The following ATAD3A variants were observed in gnomAD, a reference collection of about 807,000 sequenced individuals.
The protein encoded by ATAD3A is ATPase family AAA domain-containing protein 3A.
In ATAD3A, 46 loss-of-function variants were observed where a neutral mutation model predicts 73.8. The ratio of observed to expected loss-of-function variants is 0.62; its 90% CI spans 0.49 to 0.80. ATAD3A has a LOEUF of 0.80. ATAD3A is among the 30% of genes least tolerant of loss of function. ATAD3A has a pLI of 0.00. For synonymous variants in ATAD3A, 319 were observed against 350.0 expected, an observed-to-expected ratio of 0.91 and a Z score of 0.99; for missense variants, 705 against 838.0, an observed-to-expected ratio of 0.84 and a Z score of 1.96.
At position 1,523,799 on chromosome 1, in the gene ATAD3A, G is replaced by A. The variant is rs1641696014; in HGVS notation, c.964-40G>A. On this transcript the variant is annotated intron_variant, in intron 9 of 15. Coordinates refer to ENST00000378756, the MANE Select transcript of ATAD3A (RefSeq NM_001170535.3). This position sits in a 1 kb window ranked among gnomAD's most constrained non-coding sequence, Gnocchi z 5.1. Reference sequence around the variant, plus strand: ...GCCCCTTCCCCTGAGGCTTCCATGGGTGCACAGTGTCTCCTCCAAACCCCC... The same window carrying A: ...GCCCCTTCCCCTGAGGCTTCCATGGATGCACAGTGTCTCCTCCAAACCCCC... 9 of 1,613,358 alleles carry A rather than the reference G, an allele frequency of 5.6e-6. No homozygotes were observed. The South Asian group carries it at 6.6e-5, about 12-fold the overall frequency.
chr1:1,522,635 T>C, intron 7 of ATAD3A, 109 bp from the exon 8 acceptor site: 1 of 1,558,394 alleles, frequency 6.4e-7, no homozygotes, highest in South Asian at 1.2e-5. Flanking sequence ...TGCACGGCCC[T>C]GTGCTTCTCC....
At chr1:1,532,447 C>A (rs1033156611) in intron 15 of ATAD3A, among the ~76,000 whole-genome samples, 1 of 152,142 alleles carries the variant, frequency 6.6e-6, no homozygotes, top group African/African-American at 2.4e-5. Context: ...TTTTAGGTTC[C>A]CAGAAAAGTT....
chr1:1,520,369 C>T lies in ATAD3A; in HGVS notation c.680+63C>T, dbSNP rs575617540. The T allele has an allele frequency of 6.3e-5, 100 of 1,597,746 alleles. No homozygotes were observed. The Admixed American group carries it at 1.7e-3, about 27-fold the overall frequency. ...GCCCCGCAGGTGTGAGTCGCTGGTC[C>T]CAGGGCGCTCTCCAGCTCTTCCAGG... On this transcript the variant is annotated intron_variant, in intron 6 of 15. Coordinates refer to ENST00000378756, the MANE Select transcript of ATAD3A (RefSeq NM_001170535.3). The surrounding 1 kb of genome is among the most constrained non-coding windows in gnomAD (Gnocchi z 4.0).
intron 5 of ATAD3A, among the ~76,000 whole-genome samples, 175 bp downstream of exon 5, chr1:1,519,165 G>A (rs1186787093): frequency 5.3e-5 from 8 of 151,770 alleles, no homozygotes; most frequent in South Asian, 2.1e-4. Flanking sequence ...CTCTGTCTGC[G>A]AGTGGACGCC....
intron 14 of ATAD3A, 36 bp downstream of exon 14, chr1:1,527,898 C>G (rs1460926248): frequency 1.9e-6 from 3 of 1,596,012 alleles, no homozygotes; most frequent in Non-Finnish European, 2.6e-6. Context: ...CGTCCAGGGG[C>G]CCTCGCTCAG....
intron 15 of ATAD3A, among the ~76,000 whole-genome samples, chr1:1,533,395 C>CCCAGCAGCT (rs1169216234): frequency 6.6e-6 from 1 of 152,212 alleles, no homozygotes; most frequent in East Asian, 1.9e-4. Context: ...GGGCCACAGC[C>CCCAGCAGCT]CCAGCAGCTC....
Position 1,523,952 on chromosome 1 carries a change from G to T in ATAD3A, c.1077G>T (p.Thr359=), listed in dbSNP as rs551608904. The T allele has an allele frequency of 1.2e-6, 2 of 1,613,806 alleles. No individual in the cohort carries two copies. Among genetic ancestry groups the T allele is most frequent in the African/African-American group, 1.3e-5 (1 of 74,944 alleles). The change falls in exon 10 of 16, where the codon ACG becomes ACT. Residue 359 remains threonine, a synonymous_variant. Transcript: ENST00000378756. This position sits in a 1 kb window ranked among gnomAD's most constrained non-coding sequence, Gnocchi z 5.1. The part of the protein sequence containing the change: ...LMYGPPGTGK[T]LFAKKLALHS... ...ACGGGCCACCAGGCACCGGGAAGACGCTGTTTGCCAAGGTGAGAGCGCCTG... is the reference window on the plus strand; with the variant it reads ...ACGGGCCACCAGGCACCGGGAAGACTCTGTTTGCCAAGGTGAGAGCGCCTG...
At chr1:1,529,593 C>T (rs1279521577) in intron 15 of ATAD3A, among the ~76,000 whole-genome samples, 2 of 152,238 alleles carry the variant, frequency 1.3e-5, no homozygotes, top group Non-Finnish European at 2.9e-5. Context: ...TCTGGCATCG[C>T]CGTAGCCCGA....
intron 12 of ATAD3A, among the ~76,000 whole-genome samples, chr1:1,525,914 C>T (rs1053572576): frequency 6.6e-6 from 1 of 152,138 alleles, no homozygotes; most frequent in Non-Finnish European, 1.5e-5. Context: ...CCTCACGTTG[C>T]CCAGACTGGG....
At position 1,520,174 on chromosome 1, in the gene ATAD3A, A is replaced by G. The variant is rs367587802; in HGVS notation, c.548A>G (p.Lys183Arg). The G allele has an allele frequency of 5.0e-6, 8 of 1,611,868 alleles. No individual in the cohort carries two copies. The Admixed American group carries it at 8.3e-5, about 17-fold the overall frequency. The change falls in exon 6 of 16, where the codon AAG becomes AGG. Residue 183 changes from lysine to arginine, a missense_variant. This residue lies in a region of ATAD3A where 315 missense variants were observed against 334.1 expected (regional missense o/e 0.94). Transcript: ENST00000378756. This position sits in a 1 kb window ranked among gnomAD's most constrained non-coding sequence, Gnocchi z 4.0. The stretch of plus-strand genomic sequence containing the variant: ...GAGCGGGAGATGGAGCTGCGGCACA[A>G]GAATGAGATGCTGCGAGTGGAGGCC... Reference protein sequence around the residue: ...TVEREMELRHKNEMLRVEAEA... With the variant: ...TVEREMELRHRNEMLRVEAEA...
chr1:1,529,250 CG>C lies in ATAD3A; in HGVS notation c.1536del (p.Arg513GlyfsTer9). 1 of 1,609,178 alleles carries C rather than the reference CG, an allele frequency of 6.2e-7. No individual in the cohort carries two copies. The highest frequency in any genetic ancestry group is 1.1e-5 in the South Asian group (1 of 90,096). On this transcript the variant is annotated frameshift_variant, in exon 15 of 16. Coordinates refer to ENST00000378756, the MANE Select transcript of ATAD3A (RefSeq NM_001170535.3). LOFTEE classifies it high-confidence loss of function. ...QRLKLAQFDYGRKCSEVARLT... is the reference protein window; with the variant it reads ...QRLKLAQFDYXRKCSEVARLT... ...GCCTGAAGCTGGCCCAGTTTGACTA[CG>C]GGAGGAAGTGCTCGGAGGTCGCTCG...
intron 14 of ATAD3A, 53 bp from the exon 15 acceptor site, chr1:1,529,170 C>G: frequency 3.8e-6 from 6 of 1,595,092 alleles, no homozygotes; most frequent in Admixed American, 3.6e-5. Context: ...GCCTCCACCT[C>G]GTGTTGTGGG....
chr1:1,518,750 AGTCACCCGCCTGCACATTCGGGCACC>A (rs1254544404), intron 4 of ATAD3A, among the ~76,000 whole-genome samples, 145 bp from the exon 5 acceptor site: 3 of 147,802 alleles, frequency 2.0e-5, no homozygotes, highest in African/African-American at 2.5e-5. Context: ...ACATGGGCAC[AGTCACCCGCCTGCACATTCGGGCACC>A]GTCACCCCCC....
chr1:1,518,284 GTA>G (rs1215891041), intron 4 of ATAD3A, among the ~76,000 whole-genome samples: 2 of 130,396 alleles, frequency 1.5e-5, no homozygotes, highest in African/African-American at 5.9e-5. Context: ...ACACAGGTAC[GTA>G]CCCCCCCACA....
intron 11 of ATAD3A, among the ~76,000 whole-genome samples, chr1:1,524,913 TTTC>T (rs1641746934): frequency 6.6e-6 from 1 of 152,046 alleles, no homozygotes; most frequent in Non-Finnish European, 1.5e-5. Context: ...GCCTTTGACC[TTTC>T]ACTTTAGAAG....
At chr1:1,521,363 C>A (rs920246009) in intron 7 of ATAD3A, among the ~76,000 whole-genome samples, 1 of 142,142 alleles carries the variant, frequency 7.0e-6, no homozygotes, top group Non-Finnish European at 1.5e-5. Flanking sequence ...TTTGCAAAAA[C>A]CTTCTTTATT....
chr1:1,529,539 C>CTGA (rs1641965602), intron 15 of ATAD3A, among the ~76,000 whole-genome samples: 1 of 152,212 alleles, frequency 6.6e-6, no homozygotes, highest in Non-Finnish European at 1.5e-5. Flanking sequence ...GAGGGTGGAG[C>CTGA]CATGTCGGTG....
chr1:1,529,075 G>C, intron 14 of ATAD3A, 148 bp from the exon 15 acceptor site: 6 of 1,257,246 alleles, frequency 4.8e-6, no homozygotes, highest in Non-Finnish European at 6.7e-6. Context: ...GCAGCAGGGA[G>C]GATGTGGAGC....
chr1:1,525,623 C>T (rs182629583), intron 12 of ATAD3A, among the ~76,000 whole-genome samples: 7 of 152,094 alleles, frequency 4.6e-5, no homozygotes. Flanking sequence ...ACCGTGTTAG[C>T]CAGGATGGTC....
Sources: gnomAD v4.1 joint callset for allele counts (sites outside exome capture counted in the v4.1 genomes callset) on GRCh38, gnomAD v4.1.1 for gene constraint, gnomAD v4.1.1 regional missense constraint, Gnocchi (gnomAD v3.1) non-coding constraint, MANE v1.5 for transcripts, NCBI Gene and HGNC (gene_info 2026-07-23, HGNC 2026-07-21) for gene names.